Variants in ARMC8 observed in about 807,000 individuals in gnomAD.
ARMC8 encodes the protein armadillo repeat containing 8.
Under a neutral mutation model 99.3 loss-of-function variants are expected in ARMC8, and 20 were observed. The ratio of observed to expected loss-of-function variants is 0.20; its 90% CI spans 0.14 to 0.29. The LOEUF (loss-of-function observed/expected upper bound fraction) is 0.29. ARMC8 is among the 10% of genes least tolerant of loss of function. ARMC8 has a pLI of 1.00. For synonymous variants in ARMC8, 263 were observed against 278.3 expected (o/e 0.95, Z 0.55); for missense variants, 569 against 809.5 (o/e 0.70, Z 3.60).
chr3:138,279,364 C>A (rs1483626343), intron 18 of ARMC8, among the ~76,000 whole-genome samples: 2 of 151,914 alleles, frequency 1.3e-5, no homozygotes, highest in Non-Finnish European at 2.9e-5. Flanking sequence ...GATTCAGTTT[C>A]AAATGTTAAA....
intron 6 of ARMC8, among the ~76,000 whole-genome samples, chr3:138,230,706 T>C (rs144142508): frequency 2.0e-4 from 31 of 152,284 alleles, no homozygotes; most frequent in Non-Finnish European, 2.8e-4. Context: ...GAGCACAGCA[T>C]CTACTAGTCA....
At chr3:138,295,247 C>G (rs906168519) in intron 21 of ARMC8, among the ~76,000 whole-genome samples, 1 of 152,066 alleles carries the variant, frequency 6.6e-6, no homozygotes, top group Admixed American at 6.6e-5. Flanking sequence ...CCCCCATCAC[C>G]GTAACAACAC....
intron 1 of ARMC8, among the ~76,000 whole-genome samples, chr3:138,199,503 T>G (rs937968648): frequency 1.3e-5 from 2 of 152,174 alleles, no homozygotes; most frequent in Non-Finnish European, 2.9e-5. Flanking sequence ...TAGAGGCAGA[T>G]TTTTTTCCCT....
chr3:138,228,818 A>T, intron 5 of ARMC8, 100 bp from the exon 6 acceptor site: 1 of 712,908 alleles, frequency 1.4e-6, no homozygotes, highest in Non-Finnish European at 2.4e-6. Context: ...GACTGTCATT[A>T]AGATAAGAGA....
chr3:138,204,822 GTTAA>G (rs2044270981), intron 1 of ARMC8, among the ~76,000 whole-genome samples: 1 of 152,074 alleles, frequency 6.6e-6, no homozygotes, highest in African/African-American at 2.4e-5. Flanking sequence ...CACTCCCTTA[GTTAA>G]TTAATTTCAT....
chr3:138,235,387 C>T (rs558861089), intron 7 of ARMC8, among the ~76,000 whole-genome samples: 1 of 152,232 alleles, frequency 6.6e-6, no homozygotes, highest in African/African-American at 2.4e-5. Flanking sequence ...CTACCAGTGC[C>T]ATGATGCCTT....
At chr3:138,256,706 G>A (rs1004207900) in intron 12 of ARMC8, among the ~76,000 whole-genome samples, 2 of 151,988 alleles carry the variant, frequency 1.3e-5, no homozygotes, top group Non-Finnish European at 2.9e-5. Flanking sequence ...CACCGCGCCC[G>A]GCCTTTTTTT....
chr3:138,213,982 C>G (rs2044857580), intron 2 of ARMC8, among the ~76,000 whole-genome samples: 1 of 151,826 alleles, frequency 6.6e-6, no homozygotes, highest in African/African-American at 2.4e-5. Flanking sequence ...ATGGTGAAAC[C>G]CATCTCTACA....
chr3:138,236,970 G>A (rs375547428), intron 7 of ARMC8, among the ~76,000 whole-genome samples: 3 of 151,824 alleles, frequency 2.0e-5, no homozygotes, highest in African/African-American at 2.4e-5. Flanking sequence ...TTTTTTATTC[G>A]CTTTGAAAGC....
At chr3:138,215,311 G>C (rs1430945719) in intron 2 of ARMC8, among the ~76,000 whole-genome samples, 1 of 151,954 alleles carries the variant, frequency 6.6e-6, no homozygotes, top group Non-Finnish European at 1.5e-5. Flanking sequence ...CTGCCTCCCG[G>C]GTTCAAGTGA....
intron 5 of ARMC8, among the ~76,000 whole-genome samples, chr3:138,224,915 CTA>C (rs1259058445): frequency 6.6e-6 from 1 of 152,066 alleles, no homozygotes; most frequent in Non-Finnish European, 1.5e-5. Flanking sequence ...TTTTATCTCT[CTA>C]TATGTAGAAC....
At chr3:138,194,975 A>G (rs566828211) in intron 1 of ARMC8, among the ~76,000 whole-genome samples, 1 of 152,292 alleles carries the variant, frequency 6.6e-6, no homozygotes, top group African/African-American at 2.4e-5. Context: ...TGGTCCTAAA[A>G]TAAATTCATC....
rs989941715 is a variant in ARMC8 at position 138,208,397 on chromosome 3, C to T, written c.46-1420C>T. On this transcript the variant is annotated intron_variant, in intron 1 of 21. Transcript: ENST00000469044. ...AGGAGAATTGCTTGAACCCGAGAGG[C>T]GGAGGTTGCAAGTGAGCCAAGATCA... 6.6e-5 allele frequency among the ~76,000 whole-genome samples: 10 copies of T among 152,114 alleles called. No individual in the cohort carries two copies. The East Asian group carries it at 7.7e-4, about 12-fold the overall frequency.
At position 138,187,360 on chromosome 3, in the gene ARMC8, A is replaced by C. The variant is rs1576544116; in HGVS notation, c.-195A>C. 1 of 559,436 alleles carries C rather than the reference A, an allele frequency of 1.8e-6. No individual in the cohort carries two copies. The highest frequency in any genetic ancestry group is 3.2e-6 in the Non-Finnish European group (1 of 313,536). 34.7% of individuals were successfully genotyped at this position (559,436 alleles called of 1,614,324 possible). A position where few individuals can be genotyped will look rare whatever the true frequency, so the allele number is the denominator to read the frequency against. On this transcript the variant is annotated 5_prime_UTR_variant, in exon 1 of 22. Coordinates refer to ENST00000469044, the MANE Select transcript of ARMC8 (RefSeq NM_001363941.2). ...TGTTTCTGAGAGAACGATTCGTAGG[A>C]CAGCCCCTGACGCCATTCCCTTTTG...
At chr3:138,267,640 G>GA (rs1576876665) in intron 15 of ARMC8, among the ~76,000 whole-genome samples, 1 of 152,278 alleles carries the variant, frequency 6.6e-6, no homozygotes, top group East Asian at 1.9e-4. Flanking sequence ...GCTGTCATTG[G>GA]AAAATCATCT....
At chr3:138,277,216 C>CA (rs920254104) in intron 18 of ARMC8, among the ~76,000 whole-genome samples, 1 of 151,370 alleles carries the variant, frequency 6.6e-6, no homozygotes. Context: ...GTACAAGTGC[C>CA]AAAAAAAATT....
At chr3:138,191,371 C>T (rs1023542843) in intron 1 of ARMC8, among the ~76,000 whole-genome samples, 2 of 152,154 alleles carry the variant, frequency 1.3e-5, no homozygotes, top group Non-Finnish European at 2.9e-5. Flanking sequence ...TTTTTAAAAA[C>T]ATTTATTTTG....
chr3:138,241,830 G>A lies in ARMC8; in HGVS notation c.885G>A (p.Glu295=), dbSNP rs774751371. The A allele has an allele frequency of 3.7e-6, 6 of 1,613,922 alleles. No individual in the cohort carries two copies. In the African/African-American group the frequency reaches 5.3e-5, roughly 14 times the overall value. Residue 295 remains glutamate, a synonymous_variant, in exon 11 of 22, where the codon GAG becomes GAA. Coordinates refer to ENST00000469044, the MANE Select transcript of ARMC8 (RefSeq NM_001363941.2). Reference sequence around the variant, plus strand: ...TGTGCAGTAAGGAGAGATTACTAGAGGAGAGAGTTGAAGGAGCTGAGACAC... The same window carrying A: ...TGTGCAGTAAGGAGAGATTACTAGAAGAGAGAGTTGAAGGAGCTGAGACAC... ...VRMCSKERLL[E]ERVEGAETLA...
At chr3:138,198,332 C>G (rs899473474) in intron 1 of ARMC8, among the ~76,000 whole-genome samples, 2 of 151,898 alleles carry the variant, frequency 1.3e-5, no homozygotes, top group African/African-American at 4.8e-5. Flanking sequence ...TTGGAAGAAA[C>G]CTGCAGATAA....
Sources: allele counts gnomAD v4.1 joint callset (sites outside exome capture counted in the v4.1 genomes callset), GRCh38; gene constraint gnomAD v4.1.1; transcripts MANE v1.5; gene names NCBI Gene and HGNC (gene_info 2026-07-23, HGNC 2026-07-21).